The following IL17RB variants were observed in gnomAD, a reference collection of about 807,000 sequenced individuals.
IL17RB encodes interleukin 17 receptor B.
A neutral mutation model predicts 43.9 loss-of-function variants in IL17RB; 36 were observed. That is an observed-to-expected ratio of 0.82 (90% CI 0.63 to 1.08). IL17RB has a LOEUF of 1.08. IL17RB is among the 50% of genes least tolerant of loss of function. The pLI is 0.00. For missense variants in IL17RB, 613 were observed against 613.6 expected (o/e 1.00, Z 0.01); for synonymous variants, 225 against 225.4 (o/e 1.00, Z 0.02).
chr3:53,865,726 CCTT>C lies in IL17RB; in HGVS notation c.*421_*423del, dbSNP rs1699761895. 6.4e-6 allele frequency: 1 copy of C among 155,818 alleles called. No homozygotes were observed. The highest frequency in any genetic ancestry group is 6.4e-5 in the Admixed American group (1 of 15,658). 9.7% of individuals were successfully genotyped at this position (155,818 alleles called of 1,614,324 possible). A position where few individuals can be genotyped will look rare whatever the true frequency, so the allele number is the denominator to read the frequency against. On this transcript the variant is annotated 3_prime_UTR_variant, in exon 11 of 11. Transcript: ENST00000288167. ...ACTCAATAGCATCTTAAGTGAAAAACCTTCTATTACATGCAAAAAATCATTGTT... is the reference window on the plus strand; with the variant it reads ...ACTCAATAGCATCTTAAGTGAAAAACCTATTACATGCAAAAAATCATTGTT...
At position 53,865,320 on chromosome 3, in the gene IL17RB, G is replaced by A; in HGVS notation, c.*12G>A. The A allele has an allele frequency of 6.3e-7, 1 of 1,592,250 alleles. No individual in the cohort carries two copies. Among genetic ancestry groups the A allele is most frequent in the South Asian group, 1.1e-5 (1 of 90,054 alleles). On this transcript the variant is annotated 3_prime_UTR_variant, in exon 11 of 11. Coordinates refer to ENST00000288167, the MANE Select transcript of IL17RB (RefSeq NM_018725.4). Reference sequence around the variant, plus strand: ...GCTGCTCCTTGTAGCCCACCCATGAGAAGCAAGAGACCTTAAAGGCTTCCT... The same window carrying A: ...GCTGCTCCTTGTAGCCCACCCATGAAAAGCAAGAGACCTTAAAGGCTTCCT...
At chr3:53,862,025 C>A (rs1699581170) in intron 10 of IL17RB, among the ~76,000 whole-genome samples, 1 of 152,220 alleles carries the variant, frequency 6.6e-6, no homozygotes, top group Non-Finnish European at 1.5e-5. Context: ...TAAACACCAG[C>A]TGCCAATCTT....
chr3:53,850,469 C>T lies in IL17RB; in HGVS notation c.226+674C>T, dbSNP rs141902080. Reference sequence around the variant, plus strand: ...CTGTGATCGCACCACTGCACTCCAGCAGCCTGGGCAACAGAGTGAAACTCC... The same window carrying T: ...CTGTGATCGCACCACTGCACTCCAGTAGCCTGGGCAACAGAGTGAAACTCC... On this transcript the variant is annotated intron_variant, in intron 3 of 10. Coordinates refer to ENST00000288167, the MANE Select transcript of IL17RB (RefSeq NM_018725.4). Among the ~76,000 whole-genome samples the T allele has an allele frequency of 7.6e-3, 1,091 of 142,822 alleles. 17 individuals are homozygous for T. Among genetic ancestry groups the T allele is most frequent in the African/African-American group, 0.027 (1,034 of 38,308 alleles). 93.7% of individuals were successfully genotyped at this position (142,822 alleles called of 152,430 possible).
chr3:53,849,873 T>C, intron 3 of IL17RB, 78 bp downstream of exon 3: 1 of 1,380,598 alleles, frequency 7.2e-7, no homozygotes, highest in Admixed American at 2.3e-5. Context: ...AACCATTAAT[T>C]CCCCTTCTAC....
At chr3:53,855,598 C>T (rs1331941384) in intron 6 of IL17RB, among the ~76,000 whole-genome samples, 1 of 152,180 alleles carries the variant, frequency 6.6e-6, no homozygotes, top group Admixed American at 6.5e-5. Flanking sequence ...CAAAGAACCA[C>T]CCCCATCCAC....
chr3:53,865,395 T>A lies in IL17RB; in HGVS notation c.*87T>A. On this transcript the variant is annotated 3_prime_UTR_variant, in exon 11 of 11. Transcript: ENST00000288167. Reference sequence around the variant, plus strand: ...CGTGTGATGATCCTGAAGCTTACTATGCAGCCTACAAACAGCCTTAGTAAT... The same window carrying A: ...CGTGTGATGATCCTGAAGCTTACTAAGCAGCCTACAAACAGCCTTAGTAAT... 1 of 1,042,398 alleles carries A rather than the reference T, an allele frequency of 9.6e-7. No homozygotes were observed. The highest frequency in any genetic ancestry group is 1.6e-5 in the African/African-American group (1 of 62,234). 64.6% of individuals were successfully genotyped at this position (1,042,398 alleles called of 1,614,324 possible).
chr3:53,847,688 G>A (rs1424253267), intron 1 of IL17RB, among the ~76,000 whole-genome samples: 9 of 152,066 alleles, frequency 5.9e-5, no homozygotes, highest in South Asian at 4.2e-4. Context: ...CAGCTACTCC[G>A]GAGGCTGAGG....
rs377143258 is a variant in IL17RB at position 53,848,666 on chromosome 3, C to T, written c.63C>T (p.Thr21=). The T allele has an allele frequency of 3.3e-5, 54 of 1,613,960 alleles. 3 individuals are homozygous for T. The South Asian group carries it at 4.1e-4, about 12-fold the overall frequency. ...LCRSAVPREP[T]VQCGSETGPS... is the part of the protein sequence containing the mutation. The stretch of plus-strand genomic sequence containing the variant: ...GCTTGGTTTTTTCTCTCCCACAGAC[C>T]GTTCAATGTGGCTCTGAAACTGGTA... Residue 21 remains threonine (T), a splice_region_variant and synonymous_variant, in exon 2 of 11, where the codon ACC becomes ACT. Coordinates refer to ENST00000288167, the MANE Select transcript of IL17RB (RefSeq NM_018725.4).
At position 53,846,616 on chromosome 3, in the gene IL17RB, G is replaced by T. The variant is rs768583659; in HGVS notation, c.28G>T (p.Ala10Ser). The T allele has an allele frequency of 3.8e-6, 6 of 1,592,300 alleles. No homozygotes were observed. In the South Asian group the frequency reaches 4.5e-5, roughly 12 times the overall value. ...GTCGCTCGTGCTGCTAAGCCTGGCC[G>T]CGCTGTGCAGGAGCGCCGTACCCCG... is the stretch of plus-strand genomic sequence containing the variant. MSLVLLSLA[A>S]LCRSAVPREP... Residue 10 changes from alanine to serine, a missense_variant, in exon 1 of 11, where the codon GCG (alanine) becomes TCG (serine). By Grantham distance (99) the Ala-to-Ser change is moderately conservative. Coordinates refer to ENST00000288167, the MANE Select transcript of IL17RB (RefSeq NM_018725.4).
chr3:53,864,521 T>A (rs1699705320), intron 10 of IL17RB, among the ~76,000 whole-genome samples: 1 of 151,724 alleles, frequency 6.6e-6, no homozygotes, highest in Admixed American at 6.6e-5. Context: ...GGCGACAGAG[T>A]GAGACTATGT....
At position 53,855,354 on chromosome 3, in the gene IL17RB, G is replaced by A. The variant is rs567614428; in HGVS notation, c.529+13G>A. 16 of 1,567,996 alleles carry A rather than the reference G, an allele frequency of 1.0e-5. No individual in the cohort carries two copies. Among genetic ancestry groups the A allele is most frequent in the Admixed American group, 3.4e-5 (2 of 59,372 alleles). ...TGTGTCAAGGCCGGTAAGTAAATAC[G>A]GCATTTGCTTTTATTATTTGAAGAA... is the stretch of plus-strand genomic sequence containing the variant. On this transcript the variant is annotated intron_variant, in intron 6 of 10. Transcript: ENST00000288167.
At position 53,849,683 on chromosome 3, in the gene IL17RB, T is replaced by C. The variant is rs139545260; in HGVS notation, c.114T>C (p.His38=). Residue 38 remains histidine, a synonymous_variant, in exon 3 of 11, where the codon CAT becomes CAC. Coordinates refer to ENST00000288167, the MANE Select transcript of IL17RB (RefSeq NM_018725.4). ...TGPSPEWMLQ[H]DLIPGDLRDL... ...CATCTCCAGAGTGGATGCTACAACATGATCTAATCCCCGGAGACTTGAGGG... is the reference window on the plus strand; with the variant it reads ...CATCTCCAGAGTGGATGCTACAACACGATCTAATCCCCGGAGACTTGAGGG... 53 of 1,612,208 alleles carry C rather than the reference T, an allele frequency of 3.3e-5. No individual in the cohort carries two copies. The highest frequency in any genetic ancestry group is 4.3e-5 in the Non-Finnish European group (51 of 1,179,192).
At chr3:53,851,297 T>A (rs984323636) in intron 3 of IL17RB, among the ~76,000 whole-genome samples, 4 of 151,312 alleles carry the variant, frequency 2.6e-5, no homozygotes, top group African/African-American at 4.9e-5. Context: ...TTCAGAGGGG[T>A]AGGGGAGGCA....
intron 3 of IL17RB, among the ~76,000 whole-genome samples, 165 bp downstream of exon 3, chr3:53,849,960 C>CA (rs961985245): frequency 2.6e-4 from 39 of 152,322 alleles, no homozygotes; most frequent in African/African-American, 9.4e-4. Flanking sequence ...CTACTTACAA[C>CA]AGGCAACATT....
chr3:53,854,664 G>A (rs551151182), intron 5 of IL17RB, among the ~76,000 whole-genome samples: 74 of 152,248 alleles, frequency 4.9e-4, no homozygotes, highest in African/African-American at 1.7e-3. Context: ...AGATTAATGT[G>A]GGGACTGCCA....
At position 53,846,665 on chromosome 3, in the gene IL17RB, A is replaced by C. The variant is rs745639778; in HGVS notation, c.60+17A>C. ...CGAGAGCCGGTAAGCCCCCGCCAGC[A>C]CCTCTTCCCTCATCTCCCGGCCCTC... On this transcript the variant is annotated intron_variant, in intron 1 of 10. Coordinates refer to ENST00000288167, the MANE Select transcript of IL17RB (RefSeq NM_018725.4). 11 of 1,583,072 alleles carry C rather than the reference A, an allele frequency of 6.9e-6. No individual in the cohort carries two copies. The East Asian group carries it at 1.9e-4, about 27-fold the overall frequency.
In IL17RB at chr3:53,865,348, C is replaced by A; in HGVS notation, c.*40C>A. On this transcript the variant is annotated 3_prime_UTR_variant, in exon 11 of 11. Coordinates refer to ENST00000288167, the MANE Select transcript of IL17RB (RefSeq NM_018725.4). The stretch of plus-strand genomic sequence containing the variant: ...GCAAGAGACCTTAAAGGCTTCCTAT[C>A]CCACCAATTACAGGGAAAAAACGTG... The A allele has an allele frequency of 6.7e-7, 1 of 1,494,062 alleles. No individual in the cohort carries two copies. The highest frequency in any genetic ancestry group is 9.0e-7 in the Non-Finnish European group (1 of 1,107,430). The allele number at this position is 1,494,062 out of a possible 1,614,324, so 92.6% of individuals were successfully genotyped here.
At position 53,852,059 on chromosome 3, in the gene IL17RB, C is replaced by G; in HGVS notation, c.287C>G (p.Ser96Cys). 6.2e-7 allele frequency: 1 copy of G among 1,614,122 alleles called. No homozygotes were observed. Among genetic ancestry groups the G allele is most frequent in the Non-Finnish European group, 8.5e-7 (1 of 1,180,026 alleles). ...GTGACGGGCAAAAGCAACTTCCAGT[C>G]CTACAGCTGTGTGAGGTGCAATTAC... ...ICVTGKSNFQ[S>C]YSCVRCNYTE... Residue 96 changes from serine to cysteine, a missense_variant, in exon 4 of 11, where the codon TCC becomes TGC. Ser to Cys is a moderately radical substitution (Grantham distance 112, BLOSUM62 -1). Transcript: ENST00000288167.
At chr3:53,855,418 C>T (rs1699297130) in intron 6 of IL17RB, 77 bp downstream of exon 6, 1 of 1,017,538 alleles carries the variant, frequency 9.8e-7, no homozygotes. Flanking sequence ...TTCATCTTTG[C>T]ACAGAAGAAC....
Sources: gnomAD v4.1 joint callset for allele counts (sites outside exome capture counted in the v4.1 genomes callset) on GRCh38, gnomAD v4.1.1 for gene constraint, MANE v1.5 for transcripts, NCBI Gene and HGNC (gene_info 2026-07-23, HGNC 2026-07-21) for gene names.